CLYBL: variants seen among roughly 807,000 people sequenced by gnomAD.
CLYBL encodes citramalyl-CoA lyase, also known as citramalyl-CoA lyase, mitochondrial.
Under a neutral mutation model 38.9 loss-of-function variants are expected in CLYBL, and 31 were observed. That is an observed-to-expected ratio of 0.80 (90% CI 0.60 to 1.08). The LOEUF (loss-of-function observed/expected upper bound fraction) is 1.08, where lower values mean the gene tolerates loss of function less well. Among genes scored for constraint, CLYBL ranks in the 50% least tolerant of loss-of-function variants. CLYBL has a pLI of 0.00. For missense variants in CLYBL, 434 were observed against 411.6 expected, an observed-to-expected ratio of 1.05 and a Z score of -0.47; for synonymous variants, 171 against 158.6, an observed-to-expected ratio of 1.08 and a Z score of -0.59.
chr13:99,750,929 G>A (rs2048945091), intron 1 of CLYBL, among the ~76,000 whole-genome samples: 1 of 152,072 alleles, frequency 6.6e-6, no homozygotes, highest in Non-Finnish European at 1.5e-5. Context: ...CGATGATATA[G>A]CCACTGTGGA....
intron 1 of CLYBL, among the ~76,000 whole-genome samples, chr13:99,659,725 C>T (rs1486736179): frequency 2.6e-5 from 4 of 152,112 alleles, no homozygotes; most frequent in Non-Finnish European, 4.4e-5. Context: ...ATTTTCCCAT[C>T]ATAAGGTAGA....
chr13:99,656,277 G>A (rs1035799336), intron 1 of CLYBL, among the ~76,000 whole-genome samples: 2 of 152,124 alleles, frequency 1.3e-5, no homozygotes, highest in Admixed American at 1.3e-4. Flanking sequence ...GAGTAGACCA[G>A]GGTGCAGTTC....
At chr13:99,662,715 G>C (rs2047427331) in intron 1 of CLYBL, among the ~76,000 whole-genome samples, 1 of 151,992 alleles carries the variant, frequency 6.6e-6, no homozygotes, top group Non-Finnish European at 1.5e-5. Flanking sequence ...ATAAAGTGTG[G>C]CATATTTGTA....
At chr13:99,843,917 A>G (rs958744759) in intron 2 of CLYBL, among the ~76,000 whole-genome samples, 13 of 152,112 alleles carry the variant, frequency 8.5e-5, no homozygotes, top group African/African-American at 3.1e-4. Context: ...ATTAAATCTT[A>G]CTCCATAGGG....
chr13:99,871,704 T>C (rs2051904826), intron 7 of CLYBL, among the ~76,000 whole-genome samples: 1 of 152,198 alleles, frequency 6.6e-6, no homozygotes, highest in Non-Finnish European at 1.5e-5. Flanking sequence ...CTGTCTCCAC[T>C]TTGTGCCAGT....
At chr13:99,628,984 G>A (rs1207668067) in intron 1 of CLYBL, among the ~76,000 whole-genome samples, 1 of 152,214 alleles carries the variant, frequency 6.6e-6, no homozygotes, top group Non-Finnish European at 1.5e-5. Flanking sequence ...AGCTAATGTA[G>A]GGTGTTTTCA....
At chr13:99,658,386 A>G (rs897473290) in intron 1 of CLYBL, among the ~76,000 whole-genome samples, 2 of 152,226 alleles carry the variant, frequency 1.3e-5, no homozygotes, top group East Asian at 1.9e-4. Context: ...CCAGGCTCCC[A>G]GAAAGTTTCT....
At chr13:99,787,121 A>T (rs1222611673) in intron 2 of CLYBL, among the ~76,000 whole-genome samples, 1 of 152,008 alleles carries the variant, frequency 6.6e-6, no homozygotes, top group Non-Finnish European at 1.5e-5. Context: ...TCAGATGAGT[A>T]GATTGCAAAA....
At chr13:99,789,176 G>GT (rs1368005652) in intron 2 of CLYBL, among the ~76,000 whole-genome samples, 8 of 152,094 alleles carry the variant, frequency 5.3e-5, no homozygotes, top group South Asian at 4.1e-4. Flanking sequence ...TTTTTGAAGG[G>GT]TTTTTTGTGT....
chr13:99,688,492 A>C (rs193289235), intron 1 of CLYBL, among the ~76,000 whole-genome samples: 1 of 152,356 alleles, frequency 6.6e-6, no homozygotes, highest in Admixed American at 6.5e-5. Context: ...ATGTCATTAA[A>C]ATAATTTTAC....
Position 99,606,773 on chromosome 13 carries a change from C to G in CLYBL, c.62+16C>G, listed in dbSNP as rs755345109. On this transcript the variant is annotated intron_variant, in intron 1 of 8. Coordinates refer to ENST00000339105, the MANE Select transcript of CLYBL (RefSeq NM_206808.5). ...TGCTGAGGCTGTGAGTGCAGGTCCC[C>G]GTTCCCCGCCTTCCCGGCCCGGCTC... 40 of 1,404,380 alleles carry G rather than the reference C, an allele frequency of 2.8e-5. 1 individual carries two copies. Among genetic ancestry groups the G allele is most frequent in the Non-Finnish European group, 3.5e-5 (38 of 1,082,084 alleles). 87.0% of individuals were successfully genotyped at this position (1,404,380 alleles called of 1,614,324 possible).
Position 99,873,595 on chromosome 13 carries a change from T to C in CLYBL, c.927+2533T>C, listed in dbSNP as rs542185222. ...CCCAAGAAGGAAAAATTATGTATCT[T>C]TGCTTTTCTGCACTTCTTCCTGCTC... On this transcript the variant is annotated intron_variant, in intron 7 of 8. Transcript: ENST00000339105. Among the ~76,000 whole-genome samples the C allele has an allele frequency of 2.6e-5, 4 of 152,322 alleles. No individual in the cohort carries two copies. The South Asian group carries it at 8.3e-4, about 32-fold the overall frequency.
intron 2 of CLYBL, among the ~76,000 whole-genome samples, chr13:99,805,445 TG>T (rs2050213377): frequency 6.6e-6 from 1 of 151,648 alleles, no homozygotes; most frequent in South Asian, 2.1e-4. Flanking sequence ...TACTGAGCCC[TG>T]GAAGTCACGG....
intron 6 of CLYBL, 47 bp downstream of exon 6, chr13:99,866,454 C>T: frequency 6.4e-7 from 1 of 1,563,756 alleles, no homozygotes; most frequent in Non-Finnish European, 8.7e-7. Context: ...GCAAGCATTC[C>T]AGAAAAATAG....
intron 1 of CLYBL, among the ~76,000 whole-genome samples, chr13:99,711,007 C>T (rs963065097): frequency 1.3e-5 from 2 of 151,118 alleles, no homozygotes; most frequent in African/African-American, 4.9e-5. Context: ...CATGCCTCAG[C>T]CTCCTGAGTA....
chr13:99,671,451 C>T (rs1165054050), intron 1 of CLYBL, among the ~76,000 whole-genome samples: 1 of 152,000 alleles, frequency 6.6e-6, no homozygotes, highest in African/African-American at 2.4e-5. Context: ...TTGGTGAAGG[C>T]AAGGGAGAGA....
chr13:99,678,979 T>C (rs571817429), intron 1 of CLYBL, among the ~76,000 whole-genome samples: 120 of 152,340 alleles, frequency 7.9e-4, no homozygotes, highest in African/African-American at 2.6e-3. Flanking sequence ...CTTGTTTGTA[T>C]TTCTAATATA....
chr13:99,609,039 T>C (rs1178361443), intron 1 of CLYBL, among the ~76,000 whole-genome samples: 1 of 151,788 alleles, frequency 6.6e-6, no homozygotes, highest in Non-Finnish European at 1.5e-5. Context: ...TACTCTCTTA[T>C]CTCTCTCTTC....
At chr13:99,898,808 C>G (rs2052610810), downstream of CLYBL, among the ~76,000 whole-genome samples, 1 of 152,222 alleles carries the variant, frequency 6.6e-6, no homozygotes, top group South Asian at 2.1e-4. Flanking sequence ...TTCCCTTAGT[C>G]CTTCTGTTGC....
Sources: allele counts gnomAD v4.1 joint callset (sites outside exome capture counted in the v4.1 genomes callset), GRCh38; gene constraint gnomAD v4.1.1; transcripts MANE v1.5; gene names NCBI Gene and HGNC (gene_info 2026-07-23, HGNC 2026-07-21).